PAK6: variants seen among roughly 807,000 people sequenced by gnomAD.
PAK6 encodes serine/threonine-protein kinase PAK 6.
Under a neutral mutation model 60.8 loss-of-function variants are expected in PAK6, and 33 were observed. The observed-to-expected ratio is 0.54, with a 90% CI of 0.41 to 0.73. The LOEUF is 0.73. Among genes scored for constraint, PAK6 ranks in the 30% least tolerant of loss-of-function variants. The pLI is 0.00. For missense variants in PAK6, 845 were observed against 904.1 expected (o/e 0.93, Z 0.84); for synonymous variants, 404 against 378.5 (o/e 1.07, Z -0.78).
chr15:40,275,129 A>G lies in PAK6; in HGVS notation c.1879-798A>G, dbSNP rs374633161. ...CTGCCCAAGACTCAGCCTCATCCCA[A>G]GATACTGGCTCAAAATGAACCAAGA... On this transcript the variant is annotated intron_variant, in intron 10 of 10. Coordinates refer to ENST00000560346, the Ensembl canonical transcript of PAK6. Among the ~76,000 whole-genome samples the G allele has an allele frequency of 2.0e-5, 3 of 152,208 alleles. No homozygotes were observed. In the East Asian group the frequency reaches 5.8e-4, roughly 29 times the overall value.
intron 3 of PAK6, chr15:40,256,855 T>G (rs1566847993): frequency 6.6e-6 from 1 of 152,216 alleles, no homozygotes; most frequent in Non-Finnish European, 1.5e-5. Context: ...TCTTCCTGAG[T>G]GACGACCGTG....
chr15:40,248,143 A>G (rs1443987042), intron 2 of PAK6, among the ~76,000 whole-genome samples: 1 of 152,102 alleles, frequency 6.6e-6, no homozygotes, highest in East Asian at 1.9e-4. Context: ...GCAGGACTCC[A>G]TGGCTCTGCA....
At chr15:40,256,614 A>G (rs979110381) in intron 3 of PAK6, among the ~76,000 whole-genome samples, 14 of 152,290 alleles carry the variant, frequency 9.2e-5, no homozygotes, top group African/African-American at 2.9e-4. Flanking sequence ...GGGCCTGAGA[A>G]TAACAGAGGG....
At chr15:40,276,880 T>C (rs939500317) in exon 11 of PAK6, 1 of 151,736 alleles carries the variant, frequency 6.6e-6, no homozygotes, top group African/African-American at 2.4e-5. Context: ...CACTAAGTTC[T>C]GGCCTGAAGG....
At chr15:40,271,758 C>A (rs988291100) in intron 5 of PAK6, among the ~76,000 whole-genome samples, 5 of 152,228 alleles carry the variant, frequency 3.3e-5, no homozygotes, top group African/African-American at 1.2e-4. Context: ...GCTCCCCACC[C>A]CACTGCCAGG....
At chr15:40,261,741 G>A (rs1005327056) in intron 3 of PAK6, among the ~76,000 whole-genome samples, 3 of 152,056 alleles carry the variant, frequency 2.0e-5, no homozygotes, top group African/African-American at 7.2e-5. Context: ...CTAAGTGATG[G>A]CCTCTGGTTT....
intron 2 of PAK6, chr15:40,245,349 TG>T (rs1402484750): frequency 1.3e-5 from 2 of 152,482 alleles, no homozygotes; most frequent in Middle Eastern, 3.4e-3. Flanking sequence ...CCTGCCTGCC[TG>T]GTGACCAGGA....
Position 40,274,292 on chromosome 15 carries a change from A to G in PAK6, c.1878+16A>G. 1 of 1,587,598 alleles carries G rather than the reference A, an allele frequency of 6.3e-7. No individual in the cohort carries two copies. The highest frequency in any genetic ancestry group is 2.3e-5 in the East Asian group (1 of 44,438). On this transcript the variant is annotated intron_variant, in intron 10 of 10. Transcript: ENST00000560346. ...CTCTCACAAGGTCAGTTGGCACACAAGGGTGCGACCTCGCAGACCCCATTC... is the reference window on the plus strand; with the variant it reads ...CTCTCACAAGGTCAGTTGGCACACAGGGGTGCGACCTCGCAGACCCCATTC...
rs908335303 is a variant in PAK6 at position 40,267,601 on chromosome 15, G to A, written c.858+1106G>A. 3.9e-5 allele frequency among the ~76,000 whole-genome samples: 6 copies of A among 152,182 alleles called. No homozygotes were observed. In the South Asian group the frequency reaches 6.2e-4, roughly 16 times the overall value. ...GTGAACCCGGGAGGCAGAGCTTGCC[G>A]TGAGCTGAGATCGCACCACTGCACT... On this transcript the variant is annotated intron_variant, in intron 5 of 10. Transcript: ENST00000560346.
chr15:40,271,300 A>G (rs1288112994), intron 5 of PAK6, among the ~76,000 whole-genome samples: 1 of 152,216 alleles, frequency 6.6e-6, no homozygotes, highest in Non-Finnish European at 1.5e-5. Context: ...GCAGGCTTCC[A>G]GGGCTGGGCC....
At chr15:40,247,343 G>C (rs1238582818) in intron 2 of PAK6, 1 of 152,264 alleles carries the variant, frequency 6.6e-6, no homozygotes, top group Middle Eastern at 3.1e-3. Context: ...GTAGCGAAAA[G>C]ATATTAAATG....
At chr15:40,258,525 C>T (rs1177612973) in intron 3 of PAK6, 4 of 152,304 alleles carry the variant, frequency 2.6e-5, no homozygotes, top group Non-Finnish European at 4.4e-5. Context: ...GGGCTTAGCA[C>T]ATAATAGGTG....
intron 2 of PAK6, among the ~76,000 whole-genome samples, chr15:40,250,066 C>A (rs1452107822): frequency 1.3e-5 from 2 of 152,250 alleles, no homozygotes; most frequent in Non-Finnish European, 2.9e-5. Flanking sequence ...AACCTGGGAA[C>A]AAGGCCAGAG....
chr15:40,267,972 T>C lies in PAK6; in HGVS notation c.858+1477T>C, dbSNP rs2039192658. Reference sequence around the variant, plus strand: ...GGGTTGTCAACACTGGGCTGGGCACTCATTTGCATCTTTCTGGGCTCCTGC... The same window carrying C: ...GGGTTGTCAACACTGGGCTGGGCACCCATTTGCATCTTTCTGGGCTCCTGC... On this transcript the variant is annotated intron_variant, in intron 5 of 10. Coordinates refer to ENST00000560346, the Ensembl canonical transcript of PAK6. Among the ~76,000 whole-genome samples, 5 of 152,288 alleles carry C rather than the reference T, an allele frequency of 3.3e-5. No individual in the cohort carries two copies. In the South Asian group the frequency reaches 1.0e-3, roughly 32 times the overall value.
In PAK6 at chr15:40,273,606, G is replaced by A. The variant is rs753631628; in HGVS notation, c.1673G>A (p.Arg558Lys). ...CAGATCAGCAAAGACGTCCCTAAGA[G>A]GAAGTCCCTGGTGGGAACCCCCTAC... is the stretch of plus-strand genomic sequence containing the variant. The change falls in exon 9 of 11, where the codon AGG (arginine) becomes AAG (lysine). Residue 558 changes from arginine (R) to lysine (K), a missense_variant. Coordinates refer to ENST00000560346, the Ensembl canonical transcript of PAK6. The A allele has an allele frequency of 8.1e-6, 13 of 1,613,976 alleles. No homozygotes were observed. Among genetic ancestry groups the A allele is most frequent in the Non-Finnish European group, 1.1e-5 (13 of 1,180,038 alleles).
chr15:40,274,381 T>C, intron 10 of PAK6, 105 bp downstream of exon 10: 1 of 1,247,772 alleles, frequency 8.0e-7, no homozygotes, highest in Non-Finnish European at 1.1e-6. Flanking sequence ...AGCCACAGGG[T>C]CTGGGCTCCT....
At chr15:40,247,792 C>T (rs1404123389) in intron 2 of PAK6, among the ~76,000 whole-genome samples, 2 of 152,178 alleles carry the variant, frequency 1.3e-5, no homozygotes, top group African/African-American at 4.8e-5. Context: ...CCGGGGTGAA[C>T]AGACCTGTTG....
chr15:40,274,481 G>A (rs1025602735), intron 10 of PAK6, among the ~76,000 whole-genome samples: 9 of 152,222 alleles, frequency 5.9e-5, no homozygotes, highest in Admixed American at 5.9e-4. Context: ...CCGACAAGTC[G>A]CCTCCCACGG....
At chr15:40,240,907 G>C (rs1344049292) in intron 2 of PAK6, among the ~76,000 whole-genome samples, 1 of 152,174 alleles carries the variant, frequency 6.6e-6, no homozygotes. Flanking sequence ...AGGGAGAGGT[G>C]CTTGTTTCTA....
Sources: allele counts gnomAD v4.1 joint callset (sites outside exome capture counted in the v4.1 genomes callset), GRCh38; gene constraint gnomAD v4.1.1; transcripts MANE v1.5; gene names NCBI Gene and HGNC (gene_info 2026-07-23, HGNC 2026-07-21).